Variants in PCDH7 observed in about 807,000 individuals in gnomAD.
The protein encoded by PCDH7 is protocadherin 7, also known as protocadherin-7.
PCDH7 carries 17 observed loss-of-function variants against 58.9 expected under a neutral mutation model. The ratio of observed to expected loss-of-function variants is 0.29; its 90% CI spans 0.20 to 0.43. The LOEUF (loss-of-function observed/expected upper bound fraction) is 0.43, where lower values mean the gene tolerates loss of function less well. PCDH7 is among the 20% of genes least tolerant of loss of function. PCDH7 has a pLI of 1.00. For synonymous variants in PCDH7, 664 were observed against 616.4 expected (o/e 1.08, Z -1.14); for missense variants, 1,274 against 1,441.0 (o/e 0.88, Z 1.88).
At chr4:30,887,918 C>T (rs1738046626) in intron 1 of PCDH7, among the ~76,000 whole-genome samples, 1 of 150,960 alleles carries the variant, frequency 6.6e-6, no homozygotes, top group Admixed American at 6.6e-5. Flanking sequence ...CTATGTTGTC[C>T]AGGCTGGAGT....
intron 1 of PCDH7, among the ~76,000 whole-genome samples, chr4:30,914,676 T>C (rs1370087962): frequency 6.6e-6 from 1 of 152,200 alleles, no homozygotes; most frequent in Non-Finnish European, 1.5e-5. Flanking sequence ...GCCATAACTC[T>C]AGTTATATAG....
intron 3 of PCDH7, among the ~76,000 whole-genome samples, chr4:31,015,984 T>C (rs1364209692): frequency 3.9e-5 from 6 of 152,192 alleles, no homozygotes; most frequent in Admixed American, 3.9e-4. Context: ...CCAAGATACA[T>C]AGCTTCTGGT....
chr4:30,871,541 C>T (rs532424457), intron 1 of PCDH7, among the ~76,000 whole-genome samples: 2 of 152,136 alleles, frequency 1.3e-5, no homozygotes, highest in South Asian at 4.1e-4. Context: ...CAGCCACTTC[C>T]CGAATACAAG....
intron 1 of PCDH7, among the ~76,000 whole-genome samples, chr4:30,758,153 G>T (rs1198287716): frequency 1.3e-5 from 2 of 152,164 alleles, no homozygotes; most frequent in East Asian, 1.9e-4. Flanking sequence ...TGATAAGAAG[G>T]TGATGTTTGA....
chr4:31,114,972 T>G (rs1383412226), intron 3 of PCDH7, among the ~76,000 whole-genome samples: 1 of 152,198 alleles, frequency 6.6e-6, no homozygotes, highest in African/African-American at 2.4e-5. Context: ...TCAACGCCCT[T>G]TGTCTATTTA....
At chr4:30,724,146 T>C in exon 1 of PCDH7, 1 of 1,613,650 alleles carries the variant, frequency 6.2e-7, no homozygotes, top group South Asian at 1.1e-5. Context: ...GGTCCAAAAA[T>C]AAAAATGGCT....
intron 3 of PCDH7, among the ~76,000 whole-genome samples, chr4:31,107,536 C>G (rs1203824753): frequency 6.6e-6 from 1 of 152,170 alleles, no homozygotes; most frequent in Admixed American, 6.5e-5. Flanking sequence ...GAGACAGAAA[C>G]AGGACATCAG....
intron 1 of PCDH7, among the ~76,000 whole-genome samples, chr4:30,915,039 C>T (rs1031160579): frequency 6.6e-6 from 1 of 152,222 alleles, no homozygotes; most frequent in Non-Finnish European, 1.5e-5. Flanking sequence ...TTAATTCTAG[C>T]TAGCTTGTCT....
chr4:30,740,261 C>T (rs760269870), intron 1 of PCDH7, among the ~76,000 whole-genome samples: 1 of 152,128 alleles, frequency 6.6e-6, no homozygotes, highest in Non-Finnish European at 1.5e-5. Flanking sequence ...TGCTTCTCTT[C>T]CCTTCAGTGA....
At chr4:30,915,894 G>A (rs1398372917) in intron 1 of PCDH7, among the ~76,000 whole-genome samples, 1 of 151,906 alleles carries the variant, frequency 6.6e-6, no homozygotes. Flanking sequence ...TCCCAAATAT[G>A]TATTATCTAT....
intron 1 of PCDH7, among the ~76,000 whole-genome samples, chr4:30,793,730 T>C (rs1724427783): frequency 6.6e-6 from 1 of 152,188 alleles, no homozygotes; most frequent in African/African-American, 2.4e-5. Flanking sequence ...TGTAACTATG[T>C]GTGCAATAGC....
chr4:30,907,482 C>A (rs182279112), intron 1 of PCDH7, among the ~76,000 whole-genome samples: 2 of 152,226 alleles, frequency 1.3e-5, no homozygotes, highest in African/African-American at 4.8e-5. Flanking sequence ...TTTACTCAGC[C>A]AATGTCATAT....
chr4:31,097,628 ATATATATAT>A (rs1714290937), intron 3 of PCDH7, among the ~76,000 whole-genome samples: 2 of 42,498 alleles, frequency 4.7e-5, no homozygotes, highest in Admixed American at 2.6e-4. Flanking sequence ...ATATATATAT[ATATATATAT>A]AAATCTTTTT....
downstream of PCDH7, chr4:31,143,536 C>T (rs1720479989): frequency 6.6e-6 from 1 of 152,184 alleles, no homozygotes; most frequent in African/African-American, 2.4e-5. Flanking sequence ...AGAGCATCAA[C>T]TTCAATTCCA....
At chr4:30,793,210 C>T (rs184163462) in intron 1 of PCDH7, among the ~76,000 whole-genome samples, 12 of 152,220 alleles carry the variant, frequency 7.9e-5, no homozygotes, top group Non-Finnish European at 2.9e-5. Flanking sequence ...TTCAAATTAA[C>T]ACCAAGGAGA....
intron 1 of PCDH7, among the ~76,000 whole-genome samples, chr4:30,874,936 C>T (rs1736107095): frequency 1.3e-5 from 2 of 151,976 alleles, no homozygotes; most frequent in Admixed American, 6.6e-5. Flanking sequence ...TATACTGGCG[C>T]TTATGCTAAC....
chr4:30,951,158 T>C (rs1747326331), intron 3 of PCDH7, among the ~76,000 whole-genome samples: 1 of 152,188 alleles, frequency 6.6e-6, no homozygotes, highest in South Asian at 2.1e-4. Flanking sequence ...TGGGTGTGTA[T>C]GTGTATAGCA....
At chr4:30,994,852 A>T (rs1329314631) in intron 3 of PCDH7, among the ~76,000 whole-genome samples, 1 of 152,178 alleles carries the variant, frequency 6.6e-6, no homozygotes, top group African/African-American at 2.4e-5. Flanking sequence ...ATCTCTATAT[A>T]AAATCTGGGC....
Position 31,094,675 on chromosome 4 carries a change from A to AG in PCDH7, c.*8-47798_*8-47797insG, listed in dbSNP as rs1713711380. 4.7e-5 allele frequency among the ~76,000 whole-genome samples: 5 copies of AG among 106,260 alleles called. 1 individual carries two copies. Among genetic ancestry groups the AG allele is most frequent in the Non-Finnish European group, 8.1e-5 (5 of 61,750 alleles). 69.7% of individuals were successfully genotyped at this position (106,260 alleles called of 152,430 possible). ...TGGAACTGGGGAGAGCATTAGCAAA[A>AG]ACCTGCCCTTCGTCCAGATACCACT... On this transcript the variant is annotated intron_variant, in intron 3 of 3. Transcript: ENST00000509759.
Sources: gnomAD v4.1 joint callset for allele counts (sites outside exome capture counted in the v4.1 genomes callset) on GRCh38, gnomAD v4.1.1 for gene constraint, MANE v1.5 for transcripts, NCBI Gene and HGNC (gene_info 2026-07-23, HGNC 2026-07-21) for gene names.